Variants in CTSO observed in about 807,000 individuals in gnomAD.
The protein encoded by CTSO is cathepsin O.
CTSO carries 40 observed loss-of-function variants against 42.4 expected under a neutral mutation model. The observed-to-expected ratio is 0.94, with a 90% CI of 0.73 to 1.23. The LOEUF is 1.23. Ranked by LOEUF, CTSO falls within the 50% of genes most tolerant of loss-of-function variation. The probability of loss-of-function intolerance (pLI) is 0.00; values close to 1 mark genes in which losing one functional copy is unlikely to be tolerated. For synonymous variants in CTSO, 156 were observed against 146.2 expected (o/e 1.07, Z -0.48); for missense variants, 441 against 396.0 (o/e 1.11, Z -0.96).
At chr4:155,937,321 A>T in intron 5 of CTSO, 41 bp downstream of exon 5, 1 of 1,501,900 alleles carries the variant, frequency 6.7e-7, no homozygotes. Context: ...ATCATAAATT[A>T]AAAATGTATA....
chr4:155,950,694 C>T (rs769780277), intron 1 of CTSO, among the ~76,000 whole-genome samples: 4 of 151,984 alleles, frequency 2.6e-5, no homozygotes, highest in Non-Finnish European at 5.9e-5. Flanking sequence ...CACCTTCTGT[C>T]AGATCGGCAG....
At chr4:155,929,513 G>A in intron 6 of CTSO, 29 bp downstream of exon 6, 1 of 1,592,266 alleles carries the variant, frequency 6.3e-7, no homozygotes, top group Non-Finnish European at 8.6e-7. Context: ...ATGCTGGAAA[G>A]CAGTCAACTG....
At chr4:155,926,098 C>T (rs1743125871) in intron 7 of CTSO, 28 bp from the exon 8 acceptor site, 5 of 1,501,296 alleles carry the variant, frequency 3.3e-6, no homozygotes, top group African/African-American at 2.8e-5. Context: ...AATTATTAGT[C>T]TATTTCCTCT....
intron 1 of CTSO, among the ~76,000 whole-genome samples, chr4:155,952,530 T>C (rs1251929781): frequency 6.6e-6 from 1 of 152,174 alleles, no homozygotes; most frequent in Non-Finnish European, 1.5e-5. Flanking sequence ...CGAACGTAAG[T>C]TGAGGATAGG....
chr4:155,931,865 G>T (rs1743240706), intron 5 of CTSO, among the ~76,000 whole-genome samples: 1 of 150,506 alleles, frequency 6.6e-6, no homozygotes, highest in South Asian at 2.1e-4. Context: ...TTATTATAAT[G>T]AATGGAATAA....
At chr4:155,931,550 C>G (rs1269255487) in intron 5 of CTSO, among the ~76,000 whole-genome samples, 2 of 152,020 alleles carry the variant, frequency 1.3e-5, no homozygotes, top group East Asian at 3.9e-4. Context: ...CCATTTGGCC[C>G]CAGAATTGAG....
rs1318156446 is a variant in CTSO at position 155,942,435 on chromosome 4, G to T, written c.266C>A (p.Pro89His). The change falls in exon 3 of 8, where the codon CCT becomes CAT. Residue 89 changes from proline to histidine, a missense_variant. By Grantham distance (77) the Pro-to-His change is moderately conservative. Coordinates refer to ENST00000433477, the MANE Select transcript of CTSO (RefSeq NM_001334.3). Reference sequence around the variant, plus strand: ...TGCTGAGTATCTGGGAAACTTGGAAGGTTTGCTTCTTAAATAAATGGCTGA... The same window carrying T: ...TGCTGAGTATCTGGGAAACTTGGAATGTTTGCTTCTTAAATAAATGGCTGA... The part of the protein sequence containing the change: ...EFKAIYLRSK[P>H]SKFPRYSAEV... 6.5e-6 allele frequency: 10 copies of T among 1,534,642 alleles called. No homozygotes were observed. The highest frequency in any genetic ancestry group is 1.3e-5 in the South Asian group (1 of 75,852).
chr4:155,942,321 T>C lies in CTSO; in HGVS notation c.380A>G (p.Gln127Arg). 6.4e-7 allele frequency: 1 copy of C among 1,567,882 alleles called. No homozygotes were observed. The stretch of plus-strand genomic sequence containing the variant: ...AGAAGAGGGATTTCAACGTACCATC[T>C]GCTGGTTTCTCACTTGTGTCACAAC... ...KQVVTQVRNQ[Q>R]MCGGCWAFSV... Residue 127 changes from glutamine to arginine, a missense_variant, in exon 3 of 8, where the codon CAG becomes CGG. Gln to Arg is a conservative substitution (Grantham distance 43, BLOSUM62 1). Coordinates refer to ENST00000433477, the MANE Select transcript of CTSO (RefSeq NM_001334.3).
intron 6 of CTSO, among the ~76,000 whole-genome samples, chr4:155,928,808 C>T (rs937179285): frequency 3.9e-5 from 6 of 152,136 alleles, no homozygotes; most frequent in Non-Finnish European, 8.8e-5. Context: ...TTTATATCAA[C>T]AAAAATTATC....
At chr4:155,944,328 T>C (rs1442626904) in intron 1 of CTSO, among the ~76,000 whole-genome samples, 1 of 152,208 alleles carries the variant, frequency 6.6e-6, no homozygotes, top group African/African-American at 2.4e-5. Flanking sequence ...AATCAACAAA[T>C]TAATAAAGTT....
chr4:155,942,182 C>T, intron 3 of CTSO, 135 bp downstream of exon 3: 2 of 674,596 alleles, frequency 3.0e-6, no homozygotes, highest in Non-Finnish European at 2.2e-6. Context: ...ATTCTCTTTT[C>T]ATTGTCATTT....
At chr4:155,951,740 A>G (rs542615680) in intron 1 of CTSO, among the ~76,000 whole-genome samples, 3 of 152,280 alleles carry the variant, frequency 2.0e-5, no homozygotes, top group Non-Finnish European at 4.4e-5. Flanking sequence ...TGATTTCAAC[A>G]AGAAGTTTCA....
At chr4:155,950,522 C>T (rs545807387) in intron 1 of CTSO, among the ~76,000 whole-genome samples, 1 of 152,246 alleles carries the variant, frequency 6.6e-6, no homozygotes, top group East Asian at 1.9e-4. Flanking sequence ...GTCTGCTGAA[C>T]AACCTTATCT....
intron 5 of CTSO, among the ~76,000 whole-genome samples, chr4:155,935,551 G>A (rs1424591340): frequency 6.6e-6 from 1 of 151,988 alleles, no homozygotes; most frequent in Admixed American, 6.6e-5. Flanking sequence ...TTCAGTGAGT[G>A]AGGCCCTGCC....
chr4:155,933,882 C>A (rs750194497), intron 5 of CTSO, among the ~76,000 whole-genome samples: 19 of 152,134 alleles, frequency 1.2e-4, no homozygotes, highest in South Asian at 4.1e-4. Context: ...AAAGGGAAAA[C>A]AGAGCATAAA....
In CTSO at chr4:155,924,360, T is replaced by C. The variant is rs1291624630; in HGVS notation, c.*1676A>G. 6.6e-6 allele frequency: 1 copy of C among 152,202 alleles called. No homozygotes were observed. The highest frequency in any genetic ancestry group is 1.5e-5 in the Non-Finnish European group (1 of 68,034). The allele number at this position is 152,202 out of a possible 1,614,324, so 9.4% of individuals were successfully genotyped here. A position where few individuals can be genotyped will look rare whatever the true frequency, so the allele number is the denominator to read the frequency against. On this transcript the variant is annotated 3_prime_UTR_variant, in exon 8 of 8. Transcript: ENST00000433477. Reference sequence around the variant, plus strand: ...TTATCAATTAAAAGGTCAATATCTGTCTTCCTGAAATAACTCCAAACCTGA... The same window carrying C: ...TTATCAATTAAAAGGTCAATATCTGCCTTCCTGAAATAACTCCAAACCTGA...
At position 155,928,342 on chromosome 4, in the gene CTSO, C is replaced by T; in HGVS notation, c.925G>A (p.Val309Ile). Residue 309 changes from valine (V) to isoleucine (I), a missense_variant, in exon 7 of 8, where the codon GTT (valine) becomes ATT (isoleucine). Val to Ile is a conservative substitution (Grantham distance 29). Transcript: ENST00000433477. ...ACACAAACTCATGACTTACCACAAA[C>T]ATTACTTCCCATTTTGACATGGGCA... ...GYAHVKMGSN[V>I]CGIADSVSSI... is the part of the protein sequence containing the mutation. 6.2e-7 allele frequency: 1 copy of T among 1,609,512 alleles called. No homozygotes were observed. Among genetic ancestry groups the T allele is most frequent in the Non-Finnish European group, 8.5e-7 (1 of 1,177,198 alleles).
chr4:155,947,412 G>A (rs1743568973), intron 1 of CTSO, among the ~76,000 whole-genome samples: 2 of 152,034 alleles, frequency 1.3e-5, no homozygotes, highest in African/African-American at 2.4e-5. Context: ...TAGAAATGGC[G>A]CTCAAAGACC....
chr4:155,945,113 C>T (rs926070589), intron 1 of CTSO, among the ~76,000 whole-genome samples: 2 of 151,690 alleles, frequency 1.3e-5, no homozygotes, highest in African/African-American at 2.4e-5. Context: ...AAAAATTAGC[C>T]GGGCGTGGTG....
Sources: gnomAD v4.1 joint callset for allele counts (sites outside exome capture counted in the v4.1 genomes callset) on GRCh38, gnomAD v4.1.1 for gene constraint, MANE v1.5 for transcripts, NCBI Gene and HGNC (gene_info 2026-07-23, HGNC 2026-07-21) for gene names.